The following ACOT11 variants were observed in gnomAD, a reference collection of about 807,000 sequenced individuals.
ACOT11 encodes acyl-coenzyme A thioesterase 11.
In ACOT11, 69 loss-of-function variants were observed where a neutral mutation model predicts 77.5. The observed-to-expected ratio is 0.89, with a 90% CI of 0.73 to 1.09. The LOEUF (loss-of-function observed/expected upper bound fraction) is 1.09. Among genes scored for constraint, ACOT11 ranks in the 50% least tolerant of loss-of-function variants. The pLI, the probability that ACOT11 is intolerant of heterozygous loss-of-function variation, is 0.00. For missense variants in ACOT11, 766 were observed against 813.7 expected, an observed-to-expected ratio of 0.94 and a Z score of 0.71; for synonymous variants, 279 against 313.0, an observed-to-expected ratio of 0.89 and a Z score of 1.15.
At chr1:54,555,257 C>G (rs1653221286) in intron 1 of ACOT11, among the ~76,000 whole-genome samples, 1 of 152,192 alleles carries the variant, frequency 6.6e-6, no homozygotes, top group African/African-American at 2.4e-5. Context: ...CCACGTCTGG[C>G]TCTGGTTTTT....
At chr1:54,600,095 T>C (rs1194075150) in intron 8 of ACOT11, among the ~76,000 whole-genome samples, 1 of 152,176 alleles carries the variant, frequency 6.6e-6, no homozygotes, top group Non-Finnish European at 1.5e-5. Flanking sequence ...CCGTTACTAG[T>C]AGAACGCCAG....
In ACOT11 at chr1:54,607,390, C is replaced by T; in HGVS notation, c.1502+125C>T. On this transcript the variant is annotated intron_variant, in intron 14 of 15. Transcript: ENST00000343744. This position sits in a 1 kb window ranked among gnomAD's most constrained non-coding sequence, Gnocchi z 4.5. ...CTCTGCTTCCCATTGGCTGTGGGGC[C>T]CCAGGCACCACTAGACTTTTCTGGG... 1 of 1,435,274 alleles carries T rather than the reference C, an allele frequency of 7.0e-7. No individual in the cohort carries two copies. Among genetic ancestry groups the T allele is most frequent in the Non-Finnish European group, 9.5e-7 (1 of 1,055,062 alleles). 88.9% of individuals were successfully genotyped at this position (1,435,274 alleles called of 1,614,324 possible).
At chr1:54,556,109 G>A (rs1051440736) in intron 1 of ACOT11, among the ~76,000 whole-genome samples, 1 of 152,162 alleles carries the variant, frequency 6.6e-6, no homozygotes, top group Admixed American at 6.5e-5. Context: ...TGGGTTTCCA[G>A]TTTTCCCAAC....
chr1:54,571,072 T>TCTCTCTCTC (rs574505216), intron 1 of ACOT11, among the ~76,000 whole-genome samples: 2 of 96,448 alleles, frequency 2.1e-5, no homozygotes, highest in African/African-American at 2.0e-4. Context: ...TCTCTCTCTC[T>TCTCTCTCTC]TTTTTTTTTT....
chr1:54,616,653 G>C (rs751173792), intron 15 of ACOT11, among the ~76,000 whole-genome samples: 1 of 152,130 alleles, frequency 6.6e-6, no homozygotes, highest in African/African-American at 2.4e-5. Flanking sequence ...GATTACAGGC[G>C]TGAGCCACCG....
intron 15 of ACOT11, among the ~76,000 whole-genome samples, chr1:54,621,156 G>T (rs989713453): frequency 6.9e-5 from 10 of 144,488 alleles, no homozygotes; most frequent in African/African-American, 2.6e-4. Context: ...GTGAGACACT[G>T]TCTCAAAAAA....
At chr1:54,590,829 A>G (rs1169803050) in intron 3 of ACOT11, among the ~76,000 whole-genome samples, 2 of 152,202 alleles carry the variant, frequency 1.3e-5, no homozygotes. Context: ...ATCTTGGCTC[A>G]CGGCAACCTC....
Position 54,626,618 on chromosome 1 carries a change from C to T in ACOT11, c.1630-4116C>T, listed in dbSNP as rs1644274522. Among the ~76,000 whole-genome samples, 2 of 79,504 alleles carry T rather than the reference C, an allele frequency of 2.5e-5. 1 individual carries two copies. The highest frequency in any genetic ancestry group is 6.6e-5 in the Non-Finnish European group (2 of 30,286). The allele number at this position is 79,504 out of a possible 152,430, so 52.2% of individuals were successfully genotyped here. ...AAATGCAGGTCAGGCTGACTGTGGG[C>T]CTATCTGCCTGATTTTATCCATCTA... On this transcript the variant is annotated intron_variant, in intron 15 of 16. Coordinates refer to the ACOT11 transcript ENST00000371316.
At chr1:54,593,801 C>G in intron 4 of ACOT11, 140 bp from the exon 5 acceptor site, 2 of 689,508 alleles carry the variant, frequency 2.9e-6, no homozygotes, top group Non-Finnish European at 5.0e-6. Flanking sequence ...AGATCTCTGG[C>G]CTCCCAGACC....
At position 54,594,081 on chromosome 1, in the gene ACOT11, C is replaced by CT. The variant is rs1229379913; in HGVS notation, c.471+43dup. 31 of 1,572,776 alleles carry CT rather than the reference C, an allele frequency of 2.0e-5. No homozygotes were observed. The Admixed American group carries it at 3.6e-4, about 18-fold the overall frequency. On this transcript the variant is annotated intron_variant, in intron 5 of 15. Transcript: ENST00000343744. ...GGCTGCTGGAACGCTGCTCAGTGAC[C>CT]TGGGCACCTGCCATGGCGAGTCTGG...
chr1:54,619,920 T>C, intron 15 of ACOT11: 1 of 1,614,184 alleles, frequency 6.2e-7, no homozygotes, highest in South Asian at 1.1e-5. Flanking sequence ...CCAGGTGACC[T>C]CCAAGGCATC....
chr1:54,618,902 C>T (rs77171949), intron 15 of ACOT11, among the ~76,000 whole-genome samples: 1,804 of 152,306 alleles, frequency 0.012, 11 homozygotes, highest in Middle Eastern at 0.024. Context: ...CCTGGTTAGG[C>T]ATTCACTAAG....
chr1:54,590,087 C>CA (rs754768157), intron 3 of ACOT11, among the ~76,000 whole-genome samples: 5,783 of 122,142 alleles, frequency 0.047, 345 homozygotes, highest in African/African-American at 0.15. Context: ...GACTCTGTCT[C>CA]AAAAAAAAAA....
At chr1:54,604,224 ACCAC>A in intron 11 of ACOT11, 118 bp from the exon 12 acceptor site, 1 of 876,072 alleles carries the variant, frequency 1.1e-6, no homozygotes, top group Non-Finnish European at 1.8e-6. Flanking sequence ...CACCTGCCGC[ACCAC>A]CCACCCACCG....
At chr1:54,580,976 G>A (rs543645428) in intron 1 of ACOT11, among the ~76,000 whole-genome samples, 175 of 152,326 alleles carry the variant, frequency 1.1e-3, no homozygotes, top group Middle Eastern at 0.01. Context: ...GTGGCTGCTG[G>A]GGTGAGTGGC....
chr1:54,619,997 C>T (rs1450066261), intron 15 of ACOT11: 2 of 1,612,748 alleles, frequency 1.2e-6, no homozygotes, highest in East Asian at 2.2e-5. Context: ...TGCAGGCCTC[C>T]AGCTCACAGC....
intron 15 of ACOT11, chr1:54,623,451 T>C: frequency 7.5e-7 from 1 of 1,338,466 alleles, no homozygotes; most frequent in Non-Finnish European, 1.1e-6. Context: ...TCCCTGAGGC[T>C]CCCTGCAGCT....
intron 1 of ACOT11, among the ~76,000 whole-genome samples, chr1:54,583,747 T>C (rs951765382): frequency 6.6e-6 from 1 of 152,212 alleles, no homozygotes; most frequent in South Asian, 2.1e-4. Flanking sequence ...CTAAGTGCCA[T>C]ATAAACATTA....
chr1:54,558,073 A>G (rs1653327307), intron 1 of ACOT11, among the ~76,000 whole-genome samples: 1 of 152,160 alleles, frequency 6.6e-6, no homozygotes, highest in South Asian at 2.1e-4. Flanking sequence ...CCCTAGAGTT[A>G]ATGACGTCTC....
Sources: gnomAD v4.1 joint callset for allele counts (sites outside exome capture counted in the v4.1 genomes callset) on GRCh38, gnomAD v4.1.1 for gene constraint, Gnocchi (gnomAD v3.1) non-coding constraint, MANE v1.5 for transcripts, NCBI Gene and HGNC (gene_info 2026-07-23, HGNC 2026-07-21) for gene names.